TNPO1: variants seen among roughly 807,000 people sequenced by gnomAD.
TNPO1 encodes the protein transportin 1.
Under a neutral mutation model 119.5 loss-of-function variants are expected in TNPO1, and 8 were observed. The observed-to-expected ratio is 0.07, with a 90% CI of 0.04 to 0.12. The LOEUF (loss-of-function observed/expected upper bound fraction) is 0.12. TNPO1 is among the 10% of genes least tolerant of loss of function. TNPO1 has a pLI of 1.00. For missense variants in TNPO1, 576 were observed against 1,089.8 expected (o/e 0.53, Z 6.64); for synonymous variants, 362 against 363.0 (o/e 1.00, Z 0.03).
chr5:72,837,775 G>A (rs928728679), intron 1 of TNPO1, among the ~76,000 whole-genome samples: 1 of 152,156 alleles, frequency 6.6e-6, no homozygotes, highest in Non-Finnish European at 1.5e-5. Context: ...TACGTTCTCA[G>A]TTAATCTTCT....
At chr5:72,833,891 G>A (rs1050419577) in intron 1 of TNPO1, among the ~76,000 whole-genome samples, 5 of 152,074 alleles carry the variant, frequency 3.3e-5, no homozygotes, top group African/African-American at 7.2e-5. Context: ...TTAGTTGTAC[G>A]GTAGTCTATC....
At chr5:72,860,617 G>C (rs552055717) in intron 4 of TNPO1, among the ~76,000 whole-genome samples, 2 of 152,164 alleles carry the variant, frequency 1.3e-5, no homozygotes, top group African/African-American at 2.4e-5. Flanking sequence ...CCTTTCTGGC[G>C]ACTCATTCTT....
chr5:72,883,869 C>T (rs1007343903), intron 11 of TNPO1, among the ~76,000 whole-genome samples: 8 of 152,034 alleles, frequency 5.3e-5, no homozygotes, highest in African/African-American at 1.9e-4. Context: ...CTCAGCTCCC[C>T]AAGTAGCTGG....
At chr5:72,856,040 C>A in intron 4 of TNPO1, 117 bp downstream of exon 4, 1 of 1,008,604 alleles carries the variant, frequency 9.9e-7, no homozygotes, top group Non-Finnish European at 1.5e-6. Flanking sequence ...GTTGGGGAAA[C>A]TTTCATTGCC....
rs567673803 is a variant in TNPO1 at position 72,848,385 on chromosome 5, C to G, written c.16C>G (p.Gln6Glu). The part of the protein sequence containing the change: MVWDR[Q>E]TKMEYEWKPD... The stretch of plus-strand genomic sequence containing the variant: ...TTCCTGTGTCTGGCTTTATTTGCAG[C>G]AAACCAAGATGGAGTATGAGTGGAA... Residue 6 changes from glutamine to glutamate, a missense_variant and splice_region_variant, in exon 2 of 25, where the codon CAA (glutamine) becomes GAA (glutamate). By Grantham distance (29) the Gln-to-Glu change is conservative. Transcript: ENST00000337273. 4 of 1,610,206 alleles carry G rather than the reference C, an allele frequency of 2.5e-6. No homozygotes were observed. Among genetic ancestry groups the G allele is most frequent in the Non-Finnish European group, 3.4e-6 (4 of 1,177,838 alleles).
At position 72,909,992 on chromosome 5, in the gene TNPO1, T is replaced by A. The variant is rs868319891; in HGVS notation, c.*1319T>A. The A allele has an allele frequency of 6.6e-6, 1 of 152,642 alleles. No homozygotes were observed. Among genetic ancestry groups the A allele is most frequent in the African/African-American group, 2.4e-5 (1 of 41,474 alleles). The allele number at this position is 152,642 out of a possible 1,614,324, so 9.5% of individuals were successfully genotyped here. On this transcript the variant is annotated 3_prime_UTR_variant, in exon 25 of 25. Coordinates refer to ENST00000337273, the MANE Select transcript of TNPO1 (RefSeq NM_002270.4). ...CTGTAAAAGGCTGCATAAATGTTAG[T>A]TGGCACATAAAGACAATTGTAGAAG... is the stretch of plus-strand genomic sequence containing the variant.
chr5:72,865,879 C>T, intron 6 of TNPO1, 150 bp downstream of exon 6: 1 of 850,516 alleles, frequency 1.2e-6, no homozygotes, highest in Non-Finnish European at 1.7e-6. Context: ...AAATTGACTA[C>T]TTCAGTAACA....
intron 5 of TNPO1, among the ~76,000 whole-genome samples, chr5:72,863,496 A>G (rs944099713): frequency 6.6e-6 from 1 of 152,100 alleles, no homozygotes; most frequent in Admixed American, 6.6e-5. Flanking sequence ...GTGGTGGCTC[A>G]CACCTGTAAT....
intron 23 of TNPO1, 65 bp from the exon 24 acceptor site, chr5:72,905,238 A>G: frequency 8.3e-7 from 1 of 1,211,638 alleles, no homozygotes; most frequent in Admixed American, 2.1e-5. Flanking sequence ...GTTGGATTTC[A>G]GAAGCTATGC....
chr5:72,857,169 T>A (rs763500267), intron 4 of TNPO1, among the ~76,000 whole-genome samples: 4 of 151,894 alleles, frequency 2.6e-5, no homozygotes, highest in Non-Finnish European at 4.4e-5. Flanking sequence ...TACAAAAAAA[T>A]TAGCCAGGTG....
At chr5:72,884,771 T>C (rs185879769) in intron 11 of TNPO1, among the ~76,000 whole-genome samples, 122 of 152,172 alleles carry the variant, frequency 8.0e-4, no homozygotes, top group African/African-American at 2.8e-3. Flanking sequence ...TTTCTACATG[T>C]GAATGCCACA....
intron 12 of TNPO1, 100 bp from the exon 13 acceptor site, chr5:72,887,978 A>G: frequency 8.7e-7 from 1 of 1,145,290 alleles, no homozygotes; most frequent in Non-Finnish European, 1.2e-6. Context: ...AGCAGTAGAA[A>G]TATTCTGAAT....
At chr5:72,841,316 A>G (rs1311460279) in intron 1 of TNPO1, among the ~76,000 whole-genome samples, 1 of 151,930 alleles carries the variant, frequency 6.6e-6, no homozygotes, top group African/African-American at 2.4e-5. Flanking sequence ...ATGGGGTTTC[A>G]CCATGTTGGC....
intron 1 of TNPO1, among the ~76,000 whole-genome samples, chr5:72,830,766 T>C (rs145781455): frequency 6.6e-6 from 1 of 152,276 alleles, no homozygotes; most frequent in East Asian, 1.9e-4. Context: ...AGATTTTCTT[T>C]TTGTGTCTCT....
At chr5:72,821,327 G>T (rs1743948445) in intron 1 of TNPO1, among the ~76,000 whole-genome samples, 1 of 152,136 alleles carries the variant, frequency 6.6e-6, no homozygotes. Flanking sequence ...GGAAGGATAA[G>T]ATTCCACCAC....
chr5:72,881,801 G>T (rs1188322960), intron 9 of TNPO1, among the ~76,000 whole-genome samples: 1 of 152,092 alleles, frequency 6.6e-6, no homozygotes, highest in East Asian at 1.9e-4. Flanking sequence ...GGTCTGTATA[G>T]TATAAATTTT....
chr5:72,863,269 G>A (rs900089574), intron 5 of TNPO1, among the ~76,000 whole-genome samples: 1 of 151,966 alleles, frequency 6.6e-6, no homozygotes, highest in Admixed American at 6.6e-5. Context: ...GGCAGGCACA[G>A]GAATAACCTG....
Position 72,865,719 on chromosome 5 carries a change from C to T in TNPO1, c.586C>T (p.Pro196Ser). Residue 196 changes from proline (P) to serine (S), a missense_variant, in exon 6 of 25, where the codon CCA (proline) becomes TCA (serine). By Grantham distance (74) the Pro-to-Ser change is moderately conservative. Coordinates refer to ENST00000337273, the MANE Select transcript of TNPO1 (RefSeq NM_002270.4). Reference protein sequence around the residue: ...KFLQFFKHSSPKIRSHAVACV... With the variant: ...KFLQFFKHSSSKIRSHAVACV... ...TTTACAGTTCTTCAAGCATAGTAGT[C>T]CAAAAATAAGGTACTTATATTGCCA... The T allele has an allele frequency of 1.2e-6, 2 of 1,612,576 alleles. No individual in the cohort carries two copies. Among genetic ancestry groups the T allele is most frequent in the Non-Finnish European group, 1.7e-6 (2 of 1,179,514 alleles).
rs149469190 is a variant in TNPO1, at chr5:72,850,183, A to G, written c.130-1061A>G. The stretch of plus-strand genomic sequence containing the variant: ...TATTATTTTGTATAGGCTTTTGAGT[A>G]CTTTTTGAAAGACCGCTATAATAGG... On this transcript the variant is annotated intron_variant, in intron 2 of 24. Transcript: ENST00000337273. Among the ~76,000 whole-genome samples, 722 of 152,334 alleles carry G rather than the reference A, an allele frequency of 4.7e-3. 7 individuals are homozygous for G. Among genetic ancestry groups the G allele is most frequent in the African/African-American group, 0.017 (701 of 41,566 alleles).
Sources: gnomAD v4.1 joint callset for allele counts (sites outside exome capture counted in the v4.1 genomes callset) on GRCh38, gnomAD v4.1.1 for gene constraint, MANE v1.5 for transcripts, NCBI Gene and HGNC (gene_info 2026-07-23, HGNC 2026-07-21) for gene names.